RIC1: variants seen among roughly 807,000 people sequenced by gnomAD.
RIC1 encodes RIC1 partner of RAB6A GEF complex.
A neutral mutation model predicts 169.0 loss-of-function variants in RIC1; 88 were observed. That is an observed-to-expected ratio of 0.52 (90% CI 0.44 to 0.62). The LOEUF (loss-of-function observed/expected upper bound fraction) is 0.62. RIC1 is among the 20% of genes least tolerant of loss of function. The pLI is 0.00. For missense variants in RIC1, 1,877 were observed against 1,725.5 expected (o/e 1.09, Z -1.56); for synonymous variants, 790 against 601.5 (o/e 1.31, Z -4.59).
At chr9:5,697,750 C>A (rs1411131805) in intron 3 of RIC1, among the ~76,000 whole-genome samples, 1 of 152,156 alleles carries the variant, frequency 6.6e-6, no homozygotes, top group Non-Finnish European at 1.5e-5. Flanking sequence ...CTAGATCAAG[C>A]CTTGCACATT....
At chr9:5,673,535 G>GATAT (rs59648906) in intron 2 of RIC1, among the ~76,000 whole-genome samples, 6,493 of 119,106 alleles carry the variant, frequency 0.055, 527 homozygotes, top group South Asian at 0.18. Flanking sequence ...AACATAAGGA[G>GATAT]ATATATATAT....
rs545691217 is a variant in RIC1 at position 5,731,839 on chromosome 9, T to C, written c.721-549T>C. ...AAGCTTAAAAAAGATCAAATACTTA[T>C]TTTGAGGAGTGAAAGCAGTCCTGAG... On this transcript the variant is annotated intron_variant, in intron 6 of 25. Coordinates refer to ENST00000414202, the MANE Select transcript of RIC1 (RefSeq NM_020829.4). Among the ~76,000 whole-genome samples the C allele has an allele frequency of 5.1e-4, 77 of 152,266 alleles. 1 individual carries two copies. Among genetic ancestry groups the C allele is most frequent in the African/African-American group, 1.6e-3 (67 of 41,580 alleles).
intron 16 of RIC1, 119 bp from the exon 17 acceptor site, chr9:5,757,194 A>T: frequency 8.9e-7 from 1 of 1,126,264 alleles, no homozygotes; most frequent in Non-Finnish European, 1.3e-6. Flanking sequence ...AGAAGATGAT[A>T]GGTAGTAAGA....
At chr9:5,700,791 A>G (rs934870176) in intron 3 of RIC1, among the ~76,000 whole-genome samples, 9 of 152,288 alleles carry the variant, frequency 5.9e-5, no homozygotes, top group Non-Finnish European at 1.5e-5. Flanking sequence ...AAAACTTCCT[A>G]TAACTTTGAA....
chr9:5,720,540 T>A (rs1355440670), intron 5 of RIC1, 74 bp from the exon 6 acceptor site: 5 of 1,426,032 alleles, frequency 3.5e-6, no homozygotes, highest in Non-Finnish European at 4.7e-6. Context: ...AACTTACAGG[T>A]TTTTCTGGCA....
At chr9:5,705,788 T>C (rs1253391176) in intron 3 of RIC1, among the ~76,000 whole-genome samples, 1 of 152,250 alleles carries the variant, frequency 6.6e-6, no homozygotes, top group Non-Finnish European at 1.5e-5. Context: ...TTATCATATA[T>C]GTCCTTTATC....
intron 2 of RIC1, among the ~76,000 whole-genome samples, chr9:5,684,834 T>C (rs1475425490): frequency 6.6e-6 from 1 of 152,216 alleles, no homozygotes; most frequent in East Asian, 1.9e-4. Context: ...TATGGAAGTT[T>C]CCCATTTCTT....
chr9:5,657,733 C>CT (rs1486972318), intron 2 of RIC1, among the ~76,000 whole-genome samples: 1 of 152,020 alleles, frequency 6.6e-6, no homozygotes, highest in African/African-American at 2.4e-5. Flanking sequence ...TCTACGCTTC[C>CT]TATAGCAGGA....
At chr9:5,700,623 T>C (rs1402093729) in intron 3 of RIC1, among the ~76,000 whole-genome samples, 1 of 151,676 alleles carries the variant, frequency 6.6e-6, no homozygotes, top group Non-Finnish European at 1.5e-5. Context: ...ATATTTTGTT[T>C]CTTCTTAAAA....
chr9:5,694,857 C>A (rs543940331), intron 3 of RIC1, among the ~76,000 whole-genome samples: 1 of 150,790 alleles, frequency 6.6e-6, no homozygotes, highest in Non-Finnish European at 1.5e-5. Context: ...TCAAAAAACT[C>A]TTCTGAAAAT....
intron 3 of RIC1, among the ~76,000 whole-genome samples, chr9:5,695,183 C>T (rs1042690252): frequency 6.6e-6 from 1 of 152,042 alleles, no homozygotes; most frequent in African/African-American, 2.4e-5. Flanking sequence ...AACATATATC[C>T]AGGGGAAGAC....
chr9:5,680,889 C>T (rs111400001), intron 2 of RIC1, among the ~76,000 whole-genome samples: 10 of 126,292 alleles, frequency 7.9e-5, no homozygotes, highest in South Asian at 5.6e-4. Context: ...TGCAGTGGCG[C>T]GATCTCGGCT....
At chr9:5,657,924 C>A (rs991244628) in intron 2 of RIC1, among the ~76,000 whole-genome samples, 4 of 152,204 alleles carry the variant, frequency 2.6e-5, no homozygotes, top group African/African-American at 9.6e-5. Context: ...TTTACTGGGG[C>A]ACGAAAATCC....
Position 5,769,125 on chromosome 9 carries a change from G to A in RIC1, c.3293G>A (p.Arg1098His), listed in dbSNP as rs1290850841. The A allele has an allele frequency of 1.9e-6, 3 of 1,614,056 alleles. No individual in the cohort carries two copies. Among genetic ancestry groups the A allele is most frequent in the Non-Finnish European group, 2.5e-6 (3 of 1,179,964 alleles). ...FELISWLCKE[R>H]TRAARVDNFV... Reference sequence around the variant, plus strand: ...CTAATTAGTTGGCTATGCAAGGAACGTACCCGAGCCGCCCGGGTAGACAAC... The same window carrying A: ...CTAATTAGTTGGCTATGCAAGGAACATACCCGAGCCGCCCGGGTAGACAAC... The change falls in exon 22 of 26, where the codon CGT becomes CAT. Residue 1098 changes from arginine (R) to histidine (H), a missense_variant. By Grantham distance (29) the Arg-to-His change is conservative. Around this residue, in one of 3 missense-constraint regions of RIC1, gnomAD observed 681 missense variants for 582.0 expected, o/e 1.17. Transcript: ENST00000414202.
At chr9:5,656,505 G>A in intron 1 of RIC1, 78 bp from the exon 2 acceptor site, 2 of 620,226 alleles carry the variant, frequency 3.2e-6, no homozygotes, top group Non-Finnish European at 5.4e-6. Flanking sequence ...TGAATACTCT[G>A]TTATCTTAAA....
At chr9:5,713,697 GT>G in intron 3 of RIC1, 198 bp from the exon 4 acceptor site, 1 of 351,308 alleles carries the variant, frequency 2.8e-6, no homozygotes, top group East Asian at 4.7e-5. Flanking sequence ...AATTACATTG[GT>G]CAAACATTTA....
At chr9:5,718,428 G>GTC (rs1326072730) in intron 4 of RIC1, among the ~76,000 whole-genome samples, 1 of 152,080 alleles carries the variant, frequency 6.6e-6, no homozygotes, top group Non-Finnish European at 1.5e-5. Context: ...GAGGGAAGGG[G>GTC]TCTTCCCTGG....
intron 3 of RIC1, among the ~76,000 whole-genome samples, chr9:5,705,192 G>GGTT (rs1554669982): frequency 9.6e-4 from 109 of 113,386 alleles, no homozygotes; most frequent in African/African-American, 1.7e-3. Flanking sequence ...TCCCATTTCT[G>GGTT]TTTTTTTTTT....
rs572182442 is a variant in RIC1, at chr9:5,689,200, C to T, written c.253-759C>T. Among the ~76,000 whole-genome samples the T allele has an allele frequency of 1.2e-4, 18 of 152,026 alleles. No homozygotes were observed. In the East Asian group the frequency reaches 2.5e-3, roughly 21 times the overall value. ...AGTAGCTGGGATTACAGGCGCCTGC[C>T]ACCACGCCCGGCTAATTTTTTTGTA... is the stretch of plus-strand genomic sequence containing the variant. On this transcript the variant is annotated intron_variant, in intron 2 of 25. Coordinates refer to ENST00000414202, the MANE Select transcript of RIC1 (RefSeq NM_020829.4).
Sources: allele counts gnomAD v4.1 joint callset (sites outside exome capture counted in the v4.1 genomes callset), GRCh38; gene constraint gnomAD v4.1.1; regional missense constraint gnomAD v4.1.1; transcripts MANE v1.5; gene names NCBI Gene and HGNC (gene_info 2026-07-23, HGNC 2026-07-21).